Variants in FRMD4A observed in about 807,000 individuals in gnomAD.
The protein encoded by FRMD4A is FERM domain-containing protein 4A.
A neutral mutation model predicts 129.1 loss-of-function variants in FRMD4A; 29 were observed. The observed-to-expected ratio is 0.22, with a 90% CI of 0.17 to 0.31. The LOEUF is 0.31. Among genes scored for constraint, FRMD4A ranks in the 10% least tolerant of loss-of-function variants. The probability of loss-of-function intolerance (pLI) is 1.00; values close to 1 mark genes in which losing one functional copy is unlikely to be tolerated. For synonymous variants in FRMD4A, 634 were observed against 571.6 expected (o/e 1.11, Z -1.56); for missense variants, 1,272 against 1,375.8 (o/e 0.92, Z 1.19).
intron 2 of FRMD4A, among the ~76,000 whole-genome samples, chr10:14,245,318 T>A (rs1589222833): frequency 6.6e-6 from 1 of 152,322 alleles, no homozygotes; most frequent in African/African-American, 2.4e-5. Context: ...ATGGGCAGGT[T>A]ATTTGTCCTT....
chr10:13,777,392 A>G (rs11258596), intron 6 of FRMD4A, among the ~76,000 whole-genome samples: 103,861 of 152,062 alleles, frequency 0.68, 35,997 homozygotes, highest in East Asian at 0.95. Context: ...TCTTGATCAC[A>G]GGAGGGAGAC....
rs941835333 is a variant in FRMD4A at position 13,976,650 on chromosome 10, T to C, written c.46-117738A>G. 2.6e-5 allele frequency among the ~76,000 whole-genome samples: 4 copies of C among 152,144 alleles called. No individual in the cohort carries two copies. The East Asian group carries it at 7.7e-4, about 29-fold the overall frequency. Reference sequence around the variant, plus strand: ...ATAGGAAAAACTCAGTTGCAAGTAATGTGTAGTGCTATTATGAACAAAATT... The same window carrying C: ...ATAGGAAAAACTCAGTTGCAAGTAACGTGTAGTGCTATTATGAACAAAATT... On this transcript the variant is annotated intron_variant, in intron 2 of 24. Transcript: ENST00000357447.
intron 9 of FRMD4A, among the ~76,000 whole-genome samples, chr10:13,745,124 C>T (rs1426138380): frequency 6.6e-6 from 1 of 152,160 alleles, no homozygotes; most frequent in Non-Finnish European, 1.5e-5. Context: ...ATCCCAGTTA[C>T]CCTGATTTGA....
chr10:14,087,181 A>G (rs1836331295), intron 2 of FRMD4A, among the ~76,000 whole-genome samples: 1 of 148,960 alleles, frequency 6.7e-6, no homozygotes, highest in East Asian at 1.9e-4. Context: ...TGTTAATTAT[A>G]TACTACATAA....
In FRMD4A at chr10:14,320,514, G is replaced by A. The variant is rs565712267; in HGVS notation, c.45+9544C>T. ...TATACACTTTTCAAAATAGCTTAAC[G>A]CCATTTTCTACAAACCATGTGGACT... On this transcript the variant is annotated intron_variant, in intron 2 of 24. Coordinates refer to ENST00000357447, the MANE Select transcript of FRMD4A (RefSeq NM_018027.5). Among the ~76,000 whole-genome samples the A allele has an allele frequency of 2.6e-5, 4 of 152,154 alleles. No individual in the cohort carries two copies. The South Asian group carries it at 8.3e-4, about 32-fold the overall frequency.
At chr10:14,098,660 G>T (rs956867336) in intron 2 of FRMD4A, among the ~76,000 whole-genome samples, 25 of 151,924 alleles carry the variant, frequency 1.6e-4, no homozygotes, top group African/African-American at 5.6e-4. Context: ...CGCCCGCCTC[G>T]ACCTCCCAAA....
chr10:13,891,885 G>A, intron 2 of FRMD4A: 2 of 305,440 alleles, frequency 6.5e-6, no homozygotes, highest in African/African-American at 2.3e-5. Context: ...CCCCTCGCCC[G>A]CGCCCGGCCC....
At chr10:14,107,554 A>G (rs1044918501) in intron 2 of FRMD4A, among the ~76,000 whole-genome samples, 18 of 152,180 alleles carry the variant, frequency 1.2e-4, no homozygotes, top group African/African-American at 4.3e-4. Flanking sequence ...CATAGCTTCT[A>G]TCATTATCTC....
At chr10:14,169,368 G>A (rs987432520) in intron 2 of FRMD4A, among the ~76,000 whole-genome samples, 2 of 151,986 alleles carry the variant, frequency 1.3e-5, no homozygotes, top group African/African-American at 4.8e-5. Context: ...ACAAATTATA[G>A]GCTGTGACAC....
At chr10:13,792,647 A>C (rs1445868182) in intron 5 of FRMD4A, among the ~76,000 whole-genome samples, 4 of 152,240 alleles carry the variant, frequency 2.6e-5, no homozygotes, top group Non-Finnish European at 4.4e-5. Context: ...CAGCCTTAGC[A>C]ATGGACAGGT....
At chr10:14,274,089 G>A (rs943935381) in intron 2 of FRMD4A, among the ~76,000 whole-genome samples, 1 of 152,224 alleles carries the variant, frequency 6.6e-6, no homozygotes, top group Non-Finnish European at 1.5e-5. Flanking sequence ...GAATCCCAAA[G>A]GGAGGTGCTG....
chr10:13,750,132 G>GAAAC (rs2091538262), intron 8 of FRMD4A, among the ~76,000 whole-genome samples: 1 of 148,670 alleles, frequency 6.7e-6, no homozygotes, highest in South Asian at 2.2e-4. Context: ...AAGAAAGAAA[G>GAAAC]AAAGAAAGAA....
At chr10:13,947,917 G>A (rs1024193870) in intron 2 of FRMD4A, among the ~76,000 whole-genome samples, 1 of 152,094 alleles carries the variant, frequency 6.6e-6, no homozygotes, top group African/African-American at 2.4e-5. Flanking sequence ...AAACTTATCA[G>A]GCGGGGCATA....
At chr10:14,125,757 A>ACG (rs150486729) in intron 2 of FRMD4A, among the ~76,000 whole-genome samples, 51,138 of 151,986 alleles carry the variant, frequency 0.34, 8,827 homozygotes, top group East Asian at 0.55. Context: ...ACTCATGCGC[A>ACG]CGCGCACACA....
chr10:14,301,294 C>A (rs1035515787), intron 2 of FRMD4A, among the ~76,000 whole-genome samples: 2 of 152,176 alleles, frequency 1.3e-5, no homozygotes, highest in Admixed American at 6.5e-5. Context: ...GCATAATAGA[C>A]ATTACTGAGT....
At chr10:14,281,321 G>A (rs528845995) in intron 2 of FRMD4A, among the ~76,000 whole-genome samples, 7 of 152,120 alleles carry the variant, frequency 4.6e-5, no homozygotes, top group Admixed American at 2.6e-4. Context: ...AGAAATTAGG[G>A]CACAGACTGG....
chr10:13,877,475 G>A (rs758745479), intron 2 of FRMD4A, among the ~76,000 whole-genome samples: 33 of 152,100 alleles, frequency 2.2e-4, no homozygotes, highest in Non-Finnish European at 4.6e-4. Context: ...GAGAACTAGA[G>A]AACCACCAGT....
At chr10:14,317,818 G>T (rs1589304746) in intron 2 of FRMD4A, among the ~76,000 whole-genome samples, 1 of 149,920 alleles carries the variant, frequency 6.7e-6, no homozygotes, top group East Asian at 1.9e-4. Flanking sequence ...AAGGCCAAAG[G>T]AGTCCAAAAA....
chr10:14,133,931 G>A (rs905570902), intron 2 of FRMD4A, among the ~76,000 whole-genome samples: 8 of 150,096 alleles, frequency 5.3e-5, no homozygotes, highest in African/African-American at 2.0e-4. Context: ...GTGATGGACA[G>A]GAAGATGGGG....
Sources: gnomAD v4.1 joint callset for allele counts (sites outside exome capture counted in the v4.1 genomes callset) on GRCh38, gnomAD v4.1.1 for gene constraint, MANE v1.5 for transcripts, NCBI Gene and HGNC (gene_info 2026-07-23, HGNC 2026-07-21) for gene names.